The following HS3ST4 variants were observed in gnomAD, a reference collection of about 807,000 sequenced individuals.
HS3ST4 encodes the protein heparan sulfate glucosamine 3-O-sulfotransferase 4.
Under a neutral mutation model 29.2 loss-of-function variants are expected in HS3ST4, and 17 were observed. The ratio of observed to expected loss-of-function variants is 0.58; its 90% CI spans 0.40 to 0.87. The LOEUF (loss-of-function observed/expected upper bound fraction) is 0.87, where lower values mean the gene tolerates loss of function less well. HS3ST4 is among the 40% of genes least tolerant of loss of function. The probability of loss-of-function intolerance (pLI) is 0.00; values close to 1 mark genes in which losing one functional copy is unlikely to be tolerated. For synonymous variants in HS3ST4, 314 were observed against 285.7 expected, an observed-to-expected ratio of 1.10 and a Z score of -1.00; for missense variants, 627 against 634.5, an observed-to-expected ratio of 0.99 and a Z score of 0.13.
intron 1 of HS3ST4, among the ~76,000 whole-genome samples, chr16:25,768,964 T>C (rs895155546): frequency 4.6e-5 from 7 of 152,146 alleles, no homozygotes; most frequent in African/African-American, 7.2e-5. Flanking sequence ...CCATTCCCTG[T>C]TGTTGACCTT....
intron 1 of HS3ST4, among the ~76,000 whole-genome samples, chr16:26,073,550 T>C (rs914705180): frequency 1.9e-4 from 29 of 152,076 alleles, no homozygotes; most frequent in African/African-American, 7.0e-4. Flanking sequence ...TTTTTTGTAT[T>C]TTTGTAGAGA....
chr16:26,018,255 T>C (rs1417432988), intron 1 of HS3ST4, among the ~76,000 whole-genome samples: 1 of 152,122 alleles, frequency 6.6e-6, no homozygotes, highest in Non-Finnish European at 1.5e-5. Context: ...TGGAAGTGAA[T>C]GAAAGAAGTA....
At chr16:25,959,728 A>G (rs755047473) in intron 1 of HS3ST4, among the ~76,000 whole-genome samples, 8 of 152,104 alleles carry the variant, frequency 5.3e-5, no homozygotes, top group Non-Finnish European at 1.0e-4. Context: ...TTGAAATGTG[A>G]TCCTCAATGT....
At chr16:25,832,374 C>T (rs1967313266) in intron 1 of HS3ST4, among the ~76,000 whole-genome samples, 2 of 152,178 alleles carry the variant, frequency 1.3e-5, no homozygotes, top group South Asian at 2.1e-4. Context: ...AGGCTAGGGC[C>T]CCACTGGCTC....
intron 1 of HS3ST4, among the ~76,000 whole-genome samples, chr16:25,921,337 A>C (rs1366269023): frequency 6.6e-6 from 1 of 152,206 alleles, no homozygotes; most frequent in Non-Finnish European, 1.5e-5. Flanking sequence ...TGGCAATTTT[A>C]AGTTTATCCA....
At chr16:26,077,881 G>C (rs1169626617) in intron 1 of HS3ST4, among the ~76,000 whole-genome samples, 12 of 152,134 alleles carry the variant, frequency 7.9e-5, no homozygotes, top group Admixed American at 7.9e-4. Flanking sequence ...GACCAGCCTG[G>C]GCAACATAGC....
At chr16:26,001,953 T>G (rs1360117068) in intron 1 of HS3ST4, among the ~76,000 whole-genome samples, 2 of 152,098 alleles carry the variant, frequency 1.3e-5, no homozygotes, top group African/African-American at 4.8e-5. Flanking sequence ...TTTTCAGGAC[T>G]TGGTAACTAA....
chr16:26,123,837 G>T (rs188330719), intron 1 of HS3ST4, among the ~76,000 whole-genome samples: 3 of 152,284 alleles, frequency 2.0e-5, no homozygotes, highest in Non-Finnish European at 4.4e-5. Flanking sequence ...TGCTGCAAAA[G>T]ACATTATTTT....
At chr16:26,030,611 C>A (rs1338820673) in intron 1 of HS3ST4, among the ~76,000 whole-genome samples, 1 of 152,176 alleles carries the variant, frequency 6.6e-6, no homozygotes, top group Admixed American at 6.5e-5. Flanking sequence ...TTTTGTACTT[C>A]TCCTGGGAGC....
intron 1 of HS3ST4, among the ~76,000 whole-genome samples, chr16:26,108,978 C>A (rs1024791899): frequency 6.6e-6 from 1 of 152,148 alleles, no homozygotes; most frequent in African/African-American, 2.4e-5. Flanking sequence ...CTGCCCCACC[C>A]TGCCCCACCA....
chr16:25,962,201 A>T (rs1188836767), intron 1 of HS3ST4, among the ~76,000 whole-genome samples: 1 of 152,184 alleles, frequency 6.6e-6, no homozygotes, highest in Non-Finnish European at 1.5e-5. Context: ...CTCATTCCCA[A>T]ATATCCAGGG....
Position 26,066,474 on chromosome 16 carries a change from C to A in HS3ST4, c.735-69138C>A, listed in dbSNP as rs530130226. Among the ~76,000 whole-genome samples the A allele has an allele frequency of 1.8e-4, 27 of 152,214 alleles. 3 individuals carry two copies. In the South Asian group the frequency reaches 5.4e-3, roughly 30 times the overall value. On this transcript the variant is annotated intron_variant, in intron 1 of 1. Transcript: ENST00000331351. ...TGAAATATTCTACATAAGAAATGAA[C>A]AAAGGCGAAAAGTTTTAATCTGTTC...
At chr16:25,824,250 A>C (rs534164997) in intron 1 of HS3ST4, among the ~76,000 whole-genome samples, 2 of 152,116 alleles carry the variant, frequency 1.3e-5, no homozygotes, top group East Asian at 3.9e-4. Flanking sequence ...CTGAATACTC[A>C]ATGAGCAAAT....
chr16:25,975,313 G>A (rs552224925), intron 1 of HS3ST4, among the ~76,000 whole-genome samples: 2 of 151,622 alleles, frequency 1.3e-5, no homozygotes, highest in South Asian at 4.2e-4. Flanking sequence ...GGGAGGGAGG[G>A]GGTTAAGGAT....
chr16:25,848,232 G>A (rs1039774851), intron 1 of HS3ST4, among the ~76,000 whole-genome samples: 9 of 151,906 alleles, frequency 5.9e-5, no homozygotes, highest in East Asian at 1.9e-4. Context: ...TCTGCCTCCC[G>A]AGTTCAAGCA....
chr16:25,796,602 C>T (rs1966887518), intron 1 of HS3ST4, among the ~76,000 whole-genome samples: 1 of 152,136 alleles, frequency 6.6e-6, no homozygotes, highest in African/African-American at 2.4e-5. Flanking sequence ...ACATCTACCA[C>T]TGATGCAGGG....
In HS3ST4 at chr16:25,783,098, TATCAC is replaced by T. The variant is rs1419215824; in HGVS notation, c.734+89952_734+89956del. ...GTAGCCAATCTGCCTGGCTCCAATT[TATCAC>T]ATCAGAGGAAGCTGTTCTTTTTTTT... is the stretch of plus-strand genomic sequence containing the variant. On this transcript the variant is annotated intron_variant, in intron 1 of 1. Transcript: ENST00000331351. Among the ~76,000 whole-genome samples the T allele has an allele frequency of 6.6e-5, 10 of 152,344 alleles. No individual in the cohort carries two copies. The East Asian group carries it at 1.9e-3, about 29-fold the overall frequency.
chr16:25,762,448 T>C (rs1567234805), intron 1 of HS3ST4, among the ~76,000 whole-genome samples: 1 of 152,158 alleles, frequency 6.6e-6, no homozygotes, highest in Non-Finnish European at 1.5e-5. Context: ...CTTCTGGAGA[T>C]GCTGTTACTT....
chr16:26,105,751 G>T (rs769840731), intron 1 of HS3ST4, among the ~76,000 whole-genome samples: 2 of 152,220 alleles, frequency 1.3e-5, no homozygotes, highest in Non-Finnish European at 2.9e-5. Flanking sequence ...ATTTCCCCAG[G>T]CTTCCCCCAT....
Sources: allele counts gnomAD v4.1 joint callset (sites outside exome capture counted in the v4.1 genomes callset), GRCh38; gene constraint gnomAD v4.1.1; transcripts MANE v1.5; gene names NCBI Gene and HGNC (gene_info 2026-07-23, HGNC 2026-07-21).